CENPW: variants seen among roughly 807,000 people sequenced by gnomAD.
CENPW encodes the protein cancer-up-regulated gene 2 protein.
A neutral mutation model predicts 11.1 loss-of-function variants in CENPW; 3 were observed. That is an observed-to-expected ratio of 0.27 (90% CI 0.12 to 0.70). The LOEUF (loss-of-function observed/expected upper bound fraction) is 0.70, where lower values mean the gene tolerates loss of function less well. CENPW is among the 30% of genes least tolerant of loss of function. The probability of loss-of-function intolerance (pLI) is 0.77; values close to 1 mark genes in which losing one functional copy is unlikely to be tolerated. For synonymous variants in CENPW, 38 were observed against 42.0 expected (o/e 0.91, Z 0.37); for missense variants, 100 against 105.6 (o/e 0.95, Z 0.23).
At chr6:126,454,112 CAAT>C in the CENPW span, among the ~76,000 whole-genome samples, 1 of 151,366 alleles carries the variant, frequency 6.6e-6, no homozygotes, top group Non-Finnish European at 1.5e-5. Flanking sequence ...GATAACCACA[CAAT>C]AATAGTGGGA....
chr6:126,474,090 TAGAG>T, the CENPW span, among the ~76,000 whole-genome samples: 2 of 150,162 alleles, frequency 1.3e-5, no homozygotes, highest in Non-Finnish European at 3.0e-5. Flanking sequence ...CATATATATA[TAGAG>T]AGAGATACAC....
the CENPW span, among the ~76,000 whole-genome samples, chr6:126,367,690 TGAA>T: frequency 6.6e-6 from 1 of 152,154 alleles, no homozygotes; most frequent in African/African-American, 2.4e-5. Context: ...GTGAGTTTCT[TGAA>T]GATTATTCTA....
At chr6:126,418,122 G>A in the CENPW span, among the ~76,000 whole-genome samples, 1 of 152,212 alleles carries the variant, frequency 6.6e-6, no homozygotes, top group East Asian at 1.9e-4. Context: ...TGTGGAGAAA[G>A]TGAAGTTATT....
At chr6:126,417,311 T>G in the CENPW span, among the ~76,000 whole-genome samples, 2 of 152,226 alleles carry the variant, frequency 1.3e-5, no homozygotes, top group Non-Finnish European at 1.5e-5. Context: ...TGGATTTTAC[T>G]GGCTCATGGG....
Position 126,340,126 on chromosome 6 carries a change from G to A in CENPW, c.-148G>A, listed in dbSNP as rs1324814814. ...TGAGCGCCGGGCGCGTTCCGTTGGC[G>A]GCGGATTCGAACGTTCGGACTGAGG... On this transcript the variant is annotated 5_prime_UTR_variant, in exon 1 of 3. Coordinates refer to ENST00000368328, the MANE Select transcript of CENPW (RefSeq NM_001012507.4). The A allele has an allele frequency of 2.7e-6, 2 of 754,462 alleles. No individual in the cohort carries two copies. The highest frequency in any genetic ancestry group is 3.5e-5 in the African/African-American group (2 of 57,296). 46.7% of individuals were successfully genotyped at this position (754,462 alleles called of 1,614,324 possible).
chr6:126,451,551 T>C, the CENPW span, among the ~76,000 whole-genome samples: 1 of 151,110 alleles, frequency 6.6e-6, no homozygotes, highest in African/African-American at 2.4e-5. Context: ...TCTATTTTCC[T>C]GCACACTGGT....
At chr6:126,364,094 C>T in the CENPW span, among the ~76,000 whole-genome samples, 1 of 152,132 alleles carries the variant, frequency 6.6e-6, no homozygotes, top group Non-Finnish European at 1.5e-5. Context: ...AAAATGTACT[C>T]TAGGCTTAGT....
At chr6:126,379,446 C>T in the CENPW span, among the ~76,000 whole-genome samples, 15 of 152,100 alleles carry the variant, frequency 9.9e-5, no homozygotes, top group Admixed American at 6.6e-5. Context: ...GTTATACATG[C>T]TTTGGGAATA....
the CENPW span, among the ~76,000 whole-genome samples, chr6:126,378,198 G>A: frequency 6.6e-6 from 1 of 152,138 alleles, no homozygotes; most frequent in African/African-American, 2.4e-5. Flanking sequence ...GTTATTTCTA[G>A]TTGGTTTGTG....
the CENPW span, among the ~76,000 whole-genome samples, chr6:126,356,554 C>G: frequency 6.6e-6 from 1 of 152,126 alleles, no homozygotes; most frequent in Non-Finnish European, 1.5e-5. Context: ...ACATTCCCAT[C>G]AATTGTGTAT....
chr6:126,442,983 T>G, the CENPW span, among the ~76,000 whole-genome samples: 1 of 151,278 alleles, frequency 6.6e-6, no homozygotes, highest in South Asian at 2.1e-4. Flanking sequence ...TGTTATTGTC[T>G]TCATAGTGCT....
At chr6:126,482,071 G>A in the CENPW span, among the ~76,000 whole-genome samples, 3 of 151,992 alleles carry the variant, frequency 2.0e-5, no homozygotes, top group East Asian at 1.9e-4. Context: ...AATGCTAGAG[G>A]AAATGCTCTA....
the CENPW span, among the ~76,000 whole-genome samples, chr6:126,408,138 A>T: frequency 6.6e-6 from 1 of 152,152 alleles, no homozygotes. Context: ...CATATGCATA[A>T]AGTTGAAATT....
intron 2 of CENPW, among the ~76,000 whole-genome samples, chr6:126,348,025 T>C (rs990300555): frequency 6.6e-6 from 1 of 151,978 alleles, no homozygotes; most frequent in African/African-American, 2.4e-5. Context: ...TCCTAGTTTA[T>C]AGTTGTGAAA....
At chr6:126,452,182 A>G in the CENPW span, among the ~76,000 whole-genome samples, 1 of 151,292 alleles carries the variant, frequency 6.6e-6, no homozygotes, top group East Asian at 2.0e-4. Context: ...TTTAAGTAGG[A>G]CCTACTATCT....
At chr6:126,450,395 A>G in the CENPW span, among the ~76,000 whole-genome samples, 1 of 151,180 alleles carries the variant, frequency 6.6e-6, no homozygotes. Flanking sequence ...TGAATTATAC[A>G]GCAACCTTTC....
the CENPW span, among the ~76,000 whole-genome samples, chr6:126,449,878 T>A: frequency 0.43 from 64,992 of 150,800 alleles, 16,324 homozygotes; most frequent in East Asian, 0.97. Context: ...AGTTAAACAA[T>A]AGGAAATTGC....
intron 1 of CENPW, among the ~76,000 whole-genome samples, chr6:126,343,366 G>A (rs565050932): frequency 4.6e-5 from 7 of 152,150 alleles, no homozygotes; most frequent in African/African-American, 1.7e-4. Flanking sequence ...ATTTGAAAAA[G>A]TAATACTAAT....
At chr6:126,383,538 T>A in the CENPW span, among the ~76,000 whole-genome samples, 2 of 151,940 alleles carry the variant, frequency 1.3e-5, no homozygotes, top group East Asian at 3.9e-4. Context: ...CCATCTCACA[T>A]GCAGTGACAT....
Sources: allele counts gnomAD v4.1 joint callset (sites outside exome capture counted in the v4.1 genomes callset), GRCh38; gene constraint gnomAD v4.1.1; transcripts MANE v1.5; gene names NCBI Gene and HGNC (gene_info 2026-07-23, HGNC 2026-07-21).